The following SLC30A7 variants were observed in gnomAD, a reference collection of about 807,000 sequenced individuals.
SLC30A7 encodes the protein zinc transporter 7.
A neutral mutation model predicts 46.0 loss-of-function variants in SLC30A7; 35 were observed. The ratio of observed to expected loss-of-function variants is 0.76; its 90% CI spans 0.58 to 1.01. SLC30A7 has a LOEUF of 1.01. Among genes scored for constraint, SLC30A7 ranks in the 50% least tolerant of loss-of-function variants. The pLI, the probability that SLC30A7 is intolerant of heterozygous loss-of-function variation, is 0.00. For missense variants in SLC30A7, 464 were observed against 451.1 expected, an observed-to-expected ratio of 1.03 and a Z score of -0.26; for synonymous variants, 147 against 157.8, an observed-to-expected ratio of 0.93 and a Z score of 0.51.
chr1:100,932,074 G>C (rs573169012), intron 8 of SLC30A7, among the ~76,000 whole-genome samples: 1 of 152,266 alleles, frequency 6.6e-6, no homozygotes, highest in South Asian at 2.1e-4. Context: ...AAAAATCAGA[G>C]TGTTATTCCT....
chr1:100,906,755 A>T (rs1651700843), intron 2 of SLC30A7, 97 bp from the exon 3 acceptor site: 2 of 787,336 alleles, frequency 2.5e-6, no homozygotes, highest in East Asian at 5.1e-5. Context: ...TAGATGGTTA[A>T]TTCCTGATGA....
chr1:100,939,847 T>TAAA (rs573295797), intron 8 of SLC30A7, among the ~76,000 whole-genome samples: 2 of 137,312 alleles, frequency 1.5e-5, no homozygotes, highest in Admixed American at 7.3e-5. Context: ...AGACTCCGTC[T>TAAA]AAAAAAAAAA....
intron 6 of SLC30A7, among the ~76,000 whole-genome samples, chr1:100,917,117 A>G (rs912044820): frequency 6.6e-6 from 1 of 152,130 alleles, no homozygotes; most frequent in Admixed American, 6.5e-5. Flanking sequence ...TTTTTATAAC[A>G]GTTACACTGG....
At position 100,978,405 on chromosome 1, in the gene SLC30A7, G is replaced by A. The variant is rs1186276800; in HGVS notation, c.*3548G>A. 5.3e-5 allele frequency: 8 copies of A among 152,096 alleles called. No homozygotes were observed. Among genetic ancestry groups the A allele is most frequent in the African/African-American group, 1.9e-4 (8 of 41,406 alleles). The allele number at this position is 152,096 out of a possible 1,614,324, so 9.4% of individuals were successfully genotyped here. ...GAGATTATTAATATGGTAGAACCCT[G>A]TTATGTAATTCCAAAACTTAAGAAC... On this transcript the variant is annotated 3_prime_UTR_variant, in exon 11 of 11. Coordinates refer to ENST00000357650, the MANE Select transcript of SLC30A7 (RefSeq NM_133496.5).
chr1:100,911,909 T>G (rs2101017718), intron 4 of SLC30A7, among the ~76,000 whole-genome samples: 1 of 152,322 alleles, frequency 6.6e-6, no homozygotes, highest in African/African-American at 2.4e-5. Context: ...TTTAAATATT[T>G]GTATTTATTT....
intron 6 of SLC30A7, among the ~76,000 whole-genome samples, chr1:100,915,108 CTTTCTTTTCTTT>C (rs1038973168): frequency 2.6e-5 from 4 of 151,944 alleles, no homozygotes; most frequent in Admixed American, 6.6e-5. Flanking sequence ...ACTCTCAATT[CTTTCTTTTCTTT>C]TTTCTTTTCT....
Position 100,912,233 on chromosome 1 carries a change from GCT to G in SLC30A7, c.509_510del (p.Ser170TrpfsTer10). 6.2e-7 allele frequency: 1 copy of G among 1,613,642 alleles called. No individual in the cohort carries two copies. The highest frequency in any genetic ancestry group is 8.5e-7 in the Non-Finnish European group (1 of 1,179,796). ...CATGGAGGTCATGGACATTCTCATGGCTCTGGTATGATGGTTAGGACACTTTG... is the reference window on the plus strand; with the variant it reads ...CATGGAGGTCATGGACATTCTCATGGCTGGTATGATGGTTAGGACACTTTG... On this transcript the variant is annotated frameshift_variant, in exon 5 of 11. Transcript: ENST00000357650. LOFTEE classifies it high-confidence loss of function.
At chr1:100,960,547 CA>C (rs994215631) in intron 8 of SLC30A7, among the ~76,000 whole-genome samples, 1 of 152,104 alleles carries the variant, frequency 6.6e-6, no homozygotes, top group African/African-American at 2.4e-5. Context: ...AAAATAACAC[CA>C]GTCCTGAAAG....
the SLC30A7 span, chr1:100,992,621 C>A: frequency 6.3e-7 from 1 of 1,587,174 alleles, no homozygotes; most frequent in Non-Finnish European, 8.7e-7. Context: ...GAGAGCCCTT[C>A]TAGTGTCTTG....
At chr1:100,945,768 G>A (rs1203515011) in intron 8 of SLC30A7, among the ~76,000 whole-genome samples, 1 of 152,056 alleles carries the variant, frequency 6.6e-6, no homozygotes. Context: ...TTGGCAATGC[G>A]GGCTCTTTTT....
Position 100,961,870 on chromosome 1 carries a change from G to A in SLC30A7, c.885G>A (p.Gln295=). The A allele has an allele frequency of 1.2e-6, 2 of 1,608,632 alleles. No individual in the cohort carries two copies. The highest frequency in any genetic ancestry group is 8.5e-7 in the Non-Finnish European group (1 of 1,176,542). Residue 295 remains glutamine (Q), a synonymous_variant, in exon 9 of 11, where the codon CAG becomes CAA. Coordinates refer to ENST00000357650, the MANE Select transcript of SLC30A7 (RefSeq NM_133496.5). The part of the protein sequence containing the change: ...LLRESVGILM[Q]RTPPLLENSL... ...GAGAATCTGTTGGAATATTAATGCAGAGAACTCCTCCCCTATTAGAAAATA... is the reference window on the plus strand; with the variant it reads ...GAGAATCTGTTGGAATATTAATGCAAAGAACTCCTCCCCTATTAGAAAATA...
At chr1:100,956,546 A>C (rs1456722159) in intron 8 of SLC30A7, among the ~76,000 whole-genome samples, 1 of 152,156 alleles carries the variant, frequency 6.6e-6, no homozygotes, top group Non-Finnish European at 1.5e-5. Flanking sequence ...TTAATGTTTT[A>C]AGGCTGATCT....
intron 8 of SLC30A7, among the ~76,000 whole-genome samples, chr1:100,939,100 AC>A (rs1654170403): frequency 6.6e-6 from 1 of 152,198 alleles, no homozygotes; most frequent in South Asian, 2.1e-4. Flanking sequence ...TTAAGGTGTA[AC>A]ACTAGAGGCA....
At chr1:100,958,472 G>A (rs962259285) in intron 8 of SLC30A7, among the ~76,000 whole-genome samples, 4 of 152,110 alleles carry the variant, frequency 2.6e-5, no homozygotes, top group Non-Finnish European at 4.4e-5. Flanking sequence ...CACCGCACCC[G>A]GCCAGTATTT....
chr1:100,968,706 G>C (rs1032243177), intron 10 of SLC30A7, among the ~76,000 whole-genome samples: 1 of 152,120 alleles, frequency 6.6e-6, no homozygotes, highest in Non-Finnish European at 1.5e-5. Flanking sequence ...CTTTCTCTCT[G>C]AAGCCTTAAG....
At chr1:100,973,523 A>C (rs1656276726) in intron 10 of SLC30A7, among the ~76,000 whole-genome samples, 1 of 152,160 alleles carries the variant, frequency 6.6e-6, no homozygotes, top group Admixed American at 6.5e-5. Flanking sequence ...GTAAAGAAGA[A>C]GACCAAATCC....
At chr1:100,983,199 A>G (rs756103956), downstream of SLC30A7, among the ~76,000 whole-genome samples, 16 of 152,052 alleles carry the variant, frequency 1.1e-4, no homozygotes, top group Admixed American at 2.0e-4. Flanking sequence ...CAAACTTTTC[A>G]TTAGTCTAGA....
chr1:100,898,145 A>T (rs1479248350), intron 2 of SLC30A7, among the ~76,000 whole-genome samples: 1 of 152,134 alleles, frequency 6.6e-6, no homozygotes, highest in East Asian at 1.9e-4. Flanking sequence ...ATTTTGTATC[A>T]AGAGTGTATC....
chr1:100,916,704 CTTTTTT>C (rs33980397), intron 6 of SLC30A7, among the ~76,000 whole-genome samples: 1 of 92,330 alleles, frequency 1.1e-5, no homozygotes, highest in African/African-American at 4.2e-5. Flanking sequence ...TTCATTCATT[CTTTTTT>C]TTTTTTTTTT....
Sources: allele counts gnomAD v4.1 joint callset (sites outside exome capture counted in the v4.1 genomes callset), GRCh38; gene constraint gnomAD v4.1.1; transcripts MANE v1.5; gene names NCBI Gene and HGNC (gene_info 2026-07-23, HGNC 2026-07-21).